The following FKBP11 variants were observed in gnomAD, a reference collection of about 807,000 sequenced individuals.
The protein encoded by FKBP11 is peptidyl-prolyl cis-trans isomerase FKBP11.
In FKBP11, 21 loss-of-function variants were observed where a neutral mutation model predicts 24.7. That is an observed-to-expected ratio of 0.85 (90% CI 0.60 to 1.23). FKBP11 has a LOEUF of 1.23. Ranked by LOEUF, FKBP11 falls within the 50% of genes most tolerant of loss-of-function variation. FKBP11 has a pLI of 0.00. For missense variants in FKBP11, 245 were observed against 248.7 expected (o/e 0.99, Z 0.10); for synonymous variants, 106 against 100.6 (o/e 1.05, Z -0.32).
Position 48,925,147 on chromosome 12 carries a change from C to T in FKBP11, c.130-36G>A, listed in dbSNP as rs772793377. 3.1e-6 allele frequency: 5 copies of T among 1,609,070 alleles called. No homozygotes were observed. The Admixed American group carries it at 8.4e-5, about 27-fold the overall frequency. ...ACTACAGGGGTCACGGATGCTCTTCCAAAGATCCCGTTCTCGCCCCTAGAC... is the reference window on the plus strand; with the variant it reads ...ACTACAGGGGTCACGGATGCTCTTCTAAAGATCCCGTTCTCGCCCCTAGAC... On this transcript the variant is annotated intron_variant, in intron 1 of 5. Transcript: ENST00000550765.
rs1939901156 is a variant in FKBP11 at position 48,924,216 on chromosome 12, T to C, written c.317+7A>G. ...GTACCCAGGCCCACCCCTGCCGAGA[T>C]ACTCACCCCACACACATGTCGAGAA... On this transcript the variant is annotated splice_region_variant and intron_variant, in intron 4 of 5. Transcript: ENST00000550765. 1 of 1,614,170 alleles carries C rather than the reference T, an allele frequency of 6.2e-7. No individual in the cohort carries two copies. Among genetic ancestry groups the C allele is most frequent in the African/African-American group, 1.3e-5 (1 of 75,038 alleles).
At chr12:48,923,437 A>G in intron 5 of FKBP11, 2 of 1,534,134 alleles carry the variant, frequency 1.3e-6, no homozygotes, top group Non-Finnish European at 1.8e-6. Context: ...GTGGCTGTAC[A>G]GCTGACACAG....
chr12:48,923,148 CA>C (rs762759183), intron 5 of FKBP11: 48,120 of 789,248 alleles, frequency 0.061, no homozygotes, highest in South Asian at 0.15. Context: ...AACTCCATCT[CA>C]AAAAAAAAAA....
intron 5 of FKBP11, chr12:48,923,399 G>T: frequency 6.8e-7 from 1 of 1,476,096 alleles, no homozygotes; most frequent in Non-Finnish European, 9.0e-7. Context: ...TCTCTTCCCT[G>T]ATGGAGGCTG....
At chr12:48,932,903 A>T in the FKBP11 span, among the ~76,000 whole-genome samples, 1 of 152,112 alleles carries the variant, frequency 6.6e-6, no homozygotes, top group South Asian at 2.1e-4. Context: ...GGAAGGGTAC[A>T]TGGGTAGAAC....
chr12:48,923,436 C>A, intron 5 of FKBP11: 2 of 1,532,554 alleles, frequency 1.3e-6, no homozygotes, highest in South Asian at 1.2e-5. Flanking sequence ...GGTGGCTGTA[C>A]AGCTGACACA....
chr12:48,926,758 G>A (rs112655032), upstream of FKBP11, among the ~76,000 whole-genome samples: 10,267 of 151,536 alleles, frequency 0.068, 425 homozygotes, highest in African/African-American at 0.096. Context: ...CTTCCAAAGT[G>A]CTGGGATTAC....
chr12:48,936,256 A>T, the FKBP11 span: 2 of 152,718 alleles, frequency 1.3e-5, no homozygotes, highest in South Asian at 4.1e-4. Context: ...TCATCGCGTT[A>T]TCCCACATTT....
chr12:48,923,650 C>T (rs1214248546), intron 5 of FKBP11, 132 bp downstream of exon 5: 1 of 1,566,450 alleles, frequency 6.4e-7, no homozygotes, highest in Non-Finnish European at 8.7e-7. Context: ...TAGATGGAGG[C>T]CCCAGCCACT....
At position 48,924,773 on chromosome 12, in the gene FKBP11, C is replaced by A. The variant is rs118107211; in HGVS notation, c.196-125G>T. 1.6e-4 allele frequency: 244 copies of A among 1,502,824 alleles called. 1 individual carries two copies. The East Asian group carries it at 5.8e-3, about 36-fold the overall frequency. The allele number at this position is 1,502,824 out of a possible 1,614,324, so 93.1% of individuals were successfully genotyped here. ...GTGCGGCAGCCTAGCGTTCCCCTTA[C>A]CGCTGTAAGGAACAGGAAGCCCCAG... On this transcript the variant is annotated intron_variant, in intron 2 of 5. Coordinates refer to ENST00000550765, the MANE Select transcript of FKBP11 (RefSeq NM_016594.3).
At chr12:48,923,662 C>T in intron 5 of FKBP11, 120 bp downstream of exon 5, 1 of 1,579,368 alleles carries the variant, frequency 6.3e-7, no homozygotes, top group Non-Finnish European at 8.7e-7. Context: ...CCAGCCACTC[C>T]TATCTGTCTA....
rs754819205 is a variant in FKBP11, at chr12:48,922,899, C to T, written c.389-698G>A. On this transcript the variant is annotated intron_variant, in intron 5 of 5. Coordinates refer to ENST00000550765, the MANE Select transcript of FKBP11 (RefSeq NM_016594.3). The stretch of plus-strand genomic sequence containing the variant: ...CGCGGTGGCTCATGCCTGTAATCCC[C>T]GCACTTTGGGAAGCCAAGGCAGGCG... The T allele has an allele frequency of 8.7e-4, 924 of 1,067,702 alleles. 1 individual carries two copies. Among genetic ancestry groups the T allele is most frequent in the Non-Finnish European group, 9.8e-4 (855 of 874,168 alleles). 66.1% of individuals were successfully genotyped at this position (1,067,702 alleles called of 1,614,324 possible).
intron 5 of FKBP11, chr12:48,922,557 G>A: frequency 9.9e-7 from 1 of 1,013,622 alleles, no homozygotes; most frequent in Non-Finnish European, 1.2e-6. Context: ...CACGGATAGA[G>A]TCTTTGCAGG....
chr12:48,925,481 G>A lies in FKBP11; in HGVS notation c.-53C>T, dbSNP rs1471997971. 3 of 1,523,846 alleles carry A rather than the reference G, an allele frequency of 2.0e-6. No individual in the cohort carries two copies. The highest frequency in any genetic ancestry group is 1.4e-5 in the African/African-American group (1 of 72,770). 94.4% of individuals were successfully genotyped at this position (1,523,846 alleles called of 1,614,324 possible). A position where few individuals can be genotyped will look rare whatever the true frequency, so the allele number is the denominator to read the frequency against. ...CACCAGGACAGGCTGTTCGGGTGGCGGCAGCCAGGACAGCGTTCCCGCGGC... is the reference window on the plus strand; with the variant it reads ...CACCAGGACAGGCTGTTCGGGTGGCAGCAGCCAGGACAGCGTTCCCGCGGC... On this transcript the variant is annotated 5_prime_UTR_variant, in exon 1 of 6. Transcript: ENST00000550765.
chr12:48,932,248 TATATATATATA>T, the FKBP11 span, among the ~76,000 whole-genome samples: 2 of 36,612 alleles, frequency 5.5e-5, no homozygotes, highest in African/African-American at 2.2e-4. Flanking sequence ...TATATATATA[TATATATATATA>T]TATTTTTTTT....
intron 3 of FKBP11, 47 bp from the exon 4 acceptor site, chr12:48,924,303 A>C: frequency 1.9e-6 from 3 of 1,611,304 alleles, no homozygotes; most frequent in Non-Finnish European, 1.7e-6. Flanking sequence ...CACCTTCCCC[A>C]AATCCCATGA....
chr12:48,925,796 A>T (rs1939952246), upstream of FKBP11: 1 of 249,464 alleles, frequency 4.0e-6, no homozygotes, highest in African/African-American at 2.2e-5. Context: ...TTTCCATTTT[A>T]CAGATAAGGC....
upstream of FKBP11, chr12:48,926,001 A>G (rs1019237942): frequency 2.0e-5 from 3 of 153,552 alleles, no homozygotes. Context: ...CAGCTACTTC[A>G]GCTTGAATTT....
the FKBP11 span, among the ~76,000 whole-genome samples, chr12:48,935,021 A>C: frequency 1.4e-5 from 1 of 69,294 alleles, no homozygotes; most frequent in African/African-American, 3.5e-5. Context: ...TCCGTCTCAA[A>C]AAAAAAAAAA....
Sources: allele counts gnomAD v4.1 joint callset (sites outside exome capture counted in the v4.1 genomes callset), GRCh38; gene constraint gnomAD v4.1.1; transcripts MANE v1.5; gene names NCBI Gene and HGNC (gene_info 2026-07-23, HGNC 2026-07-21).